Variants in SLC25A20 observed in about 807,000 individuals in gnomAD.
The protein encoded by SLC25A20 is mitochondrial carnitine/acylcarnitine carrier protein.
SLC25A20 carries 29 observed loss-of-function variants against 39.7 expected under a neutral mutation model. That is an observed-to-expected ratio of 0.73 (90% confidence interval 0.54 to 1.00). The LOEUF (loss-of-function observed/expected upper bound fraction) is 1.00. Among genes scored for constraint, SLC25A20 ranks in the 50% least tolerant of loss-of-function variants. SLC25A20 has a pLI of 0.00. For missense variants in SLC25A20, 333 were observed against 379.9 expected (o/e 0.88, Z 1.03); for synonymous variants, 103 against 142.2 (o/e 0.72, Z 1.96).
chr3:48,881,532 C>T (rs2083795696), intron 3 of SLC25A20, among the ~76,000 whole-genome samples: 1 of 152,138 alleles, frequency 6.6e-6, no homozygotes, highest in Admixed American at 6.6e-5. Context: ...CCTGGACTTC[C>T]ACCCCAAGGC....
intron 4 of SLC25A20, among the ~76,000 whole-genome samples, chr3:48,863,064 C>T (rs886173603): frequency 4.6e-5 from 7 of 152,064 alleles, no homozygotes; most frequent in Middle Eastern, 3.4e-3. Flanking sequence ...TGGTGGTGGG[C>T]GCCTGTAGTC....
At chr3:48,881,301 A>C (rs2083793660) in intron 3 of SLC25A20, among the ~76,000 whole-genome samples, 1 of 152,176 alleles carries the variant, frequency 6.6e-6, no homozygotes, top group African/African-American at 2.4e-5. Context: ...GAGTCCTCTC[A>C]GCAACTAAAT....
chr3:48,877,789 T>A (rs530232289), intron 4 of SLC25A20, among the ~76,000 whole-genome samples: 45 of 152,014 alleles, frequency 3.0e-4, no homozygotes, highest in African/African-American at 1.1e-3. Flanking sequence ...ACATGACATC[T>A]CAGGCAGAAG....
At chr3:48,861,119 G>A (rs947076255) in intron 5 of SLC25A20, among the ~76,000 whole-genome samples, 2 of 151,716 alleles carry the variant, frequency 1.3e-5, no homozygotes, top group Non-Finnish European at 2.9e-5. Flanking sequence ...GAGCCACCAC[G>A]CCCAGCTATT....
intron 3 of SLC25A20, among the ~76,000 whole-genome samples, chr3:48,881,008 G>A (rs2083791702): frequency 6.6e-6 from 1 of 152,114 alleles, no homozygotes; most frequent in East Asian, 1.9e-4. Context: ...AAGCTTCGGT[G>A]CACTCTTGAC....
rs1040640390 is a variant in SLC25A20, at chr3:48,892,420, G to A, written c.106-348C>T. Reference sequence around the variant, plus strand: ...TGGATATATGTTTTCAGTTCTCTTCGGTATTGTATTGGTCAGAATTCTCCA... The same window carrying A: ...TGGATATATGTTTTCAGTTCTCTTCAGTATTGTATTGGTCAGAATTCTCCA... On this transcript the variant is annotated intron_variant, in intron 1 of 8. Transcript: ENST00000319017. Among the ~76,000 whole-genome samples the A allele has an allele frequency of 2.6e-5, 4 of 152,022 alleles. No homozygotes were observed. In the East Asian group the frequency reaches 5.8e-4, roughly 22 times the overall value.
At chr3:48,896,142 A>C (rs938999303) in intron 1 of SLC25A20, among the ~76,000 whole-genome samples, 1 of 145,158 alleles carries the variant, frequency 6.9e-6, no homozygotes, top group African/African-American at 2.5e-5. Flanking sequence ...TCTTGTCTCA[A>C]AAAAAAAAAA....
intron 1 of SLC25A20, among the ~76,000 whole-genome samples, chr3:48,898,000 C>A (rs569003102): frequency 2.0e-5 from 3 of 152,206 alleles, no homozygotes; most frequent in African/African-American, 7.2e-5. Context: ...TCCTGATGAA[C>A]GTCCTCCCTC....
chr3:48,884,645 C>T (rs1268252691), intron 2 of SLC25A20, among the ~76,000 whole-genome samples: 2 of 152,036 alleles, frequency 1.3e-5, no homozygotes, highest in African/African-American at 4.8e-5. Flanking sequence ...CCACTGCACC[C>T]GGCCAGCAAT....
In SLC25A20 at chr3:48,870,987, G is replaced by A. The variant is rs538144810; in HGVS notation, c.418-8328C>T. 4.0e-5 allele frequency among the ~76,000 whole-genome samples: 6 copies of A among 151,664 alleles called. No homozygotes were observed. The South Asian group carries it at 6.3e-4, about 16-fold the overall frequency. ...ATTACAGGCCTGCACCACCATGCAC[G>A]GCTAATTTTTGTATTTTTATTAGAC... On this transcript the variant is annotated intron_variant, in intron 4 of 8. Coordinates refer to ENST00000319017, the MANE Select transcript of SLC25A20 (RefSeq NM_000387.6).
chr3:48,875,112 A>G (rs1011400564), intron 4 of SLC25A20, among the ~76,000 whole-genome samples: 3 of 147,646 alleles, frequency 2.0e-5, no homozygotes, highest in African/African-American at 7.4e-5. Flanking sequence ...TAATTAATTT[A>G]TTTATTTTTG....
chr3:48,892,113 G>A (rs748861840), intron 1 of SLC25A20, 41 bp from the exon 2 acceptor site: 1 of 1,496,072 alleles, frequency 6.7e-7, no homozygotes, highest in South Asian at 1.1e-5. Context: ...ACCAGAATCA[G>A]AACTGCCTGT....
At chr3:48,872,532 G>C (rs1242478836) in intron 4 of SLC25A20, among the ~76,000 whole-genome samples, 2 of 151,128 alleles carry the variant, frequency 1.3e-5, no homozygotes, top group African/African-American at 4.9e-5. Flanking sequence ...AAAAAAAAAA[G>C]AACTCTGTCC....
chr3:48,878,799 CAAAA>C (rs544605074), intron 4 of SLC25A20, among the ~76,000 whole-genome samples: 2 of 83,440 alleles, frequency 2.4e-5, no homozygotes. Context: ...GACCCCATCT[CAAAA>C]AAAAAAAAAA....
chr3:48,859,279 A>G (rs2083604971), intron 6 of SLC25A20, 78 bp from the exon 7 acceptor site: 4 of 1,355,150 alleles, frequency 3.0e-6, no homozygotes, highest in Non-Finnish European at 4.2e-6. Context: ...TGTGGCAGAC[A>G]GGGCAGTTAC....
intron 4 of SLC25A20, among the ~76,000 whole-genome samples, chr3:48,864,347 C>CAAAA (rs55843120): frequency 2.1e-5 from 1 of 48,060 alleles, no homozygotes; most frequent in Non-Finnish European, 3.5e-5. Flanking sequence ...GACTCTGTCT[C>CAAAA]AAAAAAAAAA....
Position 48,857,525 on chromosome 3 carries a change from GAC to G in SLC25A20, c.*183_*184del. On this transcript the variant is annotated 3_prime_UTR_variant, in exon 9 of 9. Transcript: ENST00000319017. ...TAAGAATGAATTCAAGTTTCAAAATGACACACTAAGTTATACACGGTGCAGGA... is the reference window on the plus strand; with the variant it reads ...TAAGAATGAATTCAAGTTTCAAAATGACACTAAGTTATACACGGTGCAGGA... 2 of 616,588 alleles carry G rather than the reference GAC, an allele frequency of 3.2e-6. No homozygotes were observed. Among genetic ancestry groups the G allele is most frequent in the Non-Finnish European group, 5.9e-6 (2 of 338,062 alleles). 38.2% of individuals were successfully genotyped at this position (616,588 alleles called of 1,614,324 possible).
intron 4 of SLC25A20, among the ~76,000 whole-genome samples, chr3:48,876,109 G>A (rs748820509): frequency 2.0e-5 from 3 of 152,052 alleles, no homozygotes; most frequent in Non-Finnish European, 2.9e-5. Context: ...CTGGGATGCC[G>A]AGGTGGGTGG....
intron 4 of SLC25A20, among the ~76,000 whole-genome samples, chr3:48,878,789 G>A (rs2083780167): frequency 2.1e-5 from 3 of 141,422 alleles, no homozygotes; most frequent in Admixed American, 7.2e-5. Context: ...AACACAGCAA[G>A]ACCCCATCTC....
Sources: gnomAD v4.1 joint callset for allele counts (sites outside exome capture counted in the v4.1 genomes callset) on GRCh38, gnomAD v4.1.1 for gene constraint, MANE v1.5 for transcripts, NCBI Gene and HGNC (gene_info 2026-07-23, HGNC 2026-07-21) for gene names.